ZNF208: variants seen among roughly 807,000 people sequenced by gnomAD.
The protein encoded by ZNF208 is zinc finger protein 208.
In ZNF208, 10 loss-of-function variants were observed where a neutral mutation model predicts 12.1. That is an observed-to-expected ratio of 0.83 (90% CI 0.51 to 1.40). ZNF208 has a LOEUF of 1.40. Among genes scored for constraint, ZNF208 ranks in the 40% most tolerant of loss-of-function variants. ZNF208 has a pLI of 0.00. For missense variants in ZNF208, 1,652 were observed against 1,485.0 expected, an observed-to-expected ratio of 1.11 and a Z score of -1.85; for synonymous variants, 497 against 488.4, an observed-to-expected ratio of 1.02 and a Z score of -0.23.
rs900211029 is a variant in ZNF208, at chr19:21,969,974, A to T, written c.*1217T>A. Reference sequence around the variant, plus strand: ...TAGTGTAAATGCTTTCCTTTGCAATAAGGCATGAGCACTGGTTAAATGTTT... The same window carrying T: ...TAGTGTAAATGCTTTCCTTTGCAATTAGGCATGAGCACTGGTTAAATGTTT... On this transcript the variant is annotated 3_prime_UTR_variant, in exon 4 of 4. Transcript: ENST00000397126. Among the ~76,000 whole-genome samples the T allele has an allele frequency of 6.6e-6, 1 of 152,158 alleles. No homozygotes were observed. The highest frequency in any genetic ancestry group is 1.5e-5 in the Non-Finnish European group (1 of 68,022).
In ZNF208 at chr19:21,970,872, G is replaced by T. The variant is rs1465753775; in HGVS notation, c.*319C>A. ...TTCACATTTGTAGGGTTTCTCTCCA[G>T]TATGAATTTTCTATGATAACTGAGG... On this transcript the variant is annotated 3_prime_UTR_variant, in exon 4 of 4. Transcript: ENST00000397126. 1.3e-6 allele frequency: 2 copies of T among 1,516,358 alleles called. No individual in the cohort carries two copies. The highest frequency in any genetic ancestry group is 2.7e-5 in the African/African-American group (2 of 72,798). The allele number at this position is 1,516,358 out of a possible 1,614,324, so 93.9% of individuals were successfully genotyped here.
At chr19:21,979,723 CACA>C (rs1012551160) in intron 3 of ZNF208, among the ~76,000 whole-genome samples, 24 of 152,270 alleles carry the variant, frequency 1.6e-4, no homozygotes, top group Admixed American at 1.6e-3. Context: ...CAAATTCACA[CACA>C]ACAATATTAA....
chr19:21,943,523 C>T (rs1054377837), intron 4 of ZNF208, among the ~76,000 whole-genome samples: 1 of 152,120 alleles, frequency 6.6e-6, no homozygotes, highest in African/African-American at 2.4e-5. Flanking sequence ...CTGCTTTGTA[C>T]TAAGAATAAT....
intron 3 of ZNF208, among the ~76,000 whole-genome samples, chr19:21,984,634 G>A (rs1288584856): frequency 6.6e-6 from 1 of 152,110 alleles, no homozygotes; most frequent in Non-Finnish European, 1.5e-5. Context: ...TGCAAAGGTT[G>A]TAATGTTAAT....
intron 1 of ZNF208, among the ~76,000 whole-genome samples, chr19:21,994,076 A>AT (rs1156762152): frequency 1.3e-5 from 2 of 152,170 alleles, no homozygotes; most frequent in Non-Finnish European, 2.9e-5. Context: ...ACTGTCATTG[A>AT]TTTTTTCAAA....
chr19:21,949,107 C>T (rs1437134096), intron 4 of ZNF208, among the ~76,000 whole-genome samples: 1 of 152,192 alleles, frequency 6.6e-6, no homozygotes, highest in Admixed American at 6.5e-5. Context: ...AAACAAACCT[C>T]CCTGTGTTCT....
rs1014586238 is a variant in ZNF208, at chr19:21,987,050, G to A, written c.226+166C>T. 6 of 628,512 alleles carry A rather than the reference G, an allele frequency of 9.5e-6. No individual in the cohort carries two copies. The African/African-American group carries it at 1.1e-4, about 12-fold the overall frequency. 38.9% of individuals were successfully genotyped at this position (628,512 alleles called of 1,614,324 possible). The stretch of plus-strand genomic sequence containing the variant: ...ATTCTTAGAAATTTTAAAAGTGTAA[G>A]ACCGAAGATGCCCCTGTGTGAGAGA... On this transcript the variant is annotated intron_variant, in intron 3 of 3. Coordinates refer to ENST00000397126, the MANE Select transcript of ZNF208 (RefSeq NM_007153.3).
intron 4 of ZNF208, among the ~76,000 whole-genome samples, chr19:21,954,771 G>C (rs1384917581): frequency 6.6e-6 from 1 of 152,102 alleles, no homozygotes; most frequent in African/African-American, 2.4e-5. Context: ...ACACTGATGG[G>C]TCTTGACTCT....
rs1970301939 is a variant in ZNF208, at chr19:21,972,141, T to C, written c.2893A>G (p.Lys965Glu). ...KSSSTLSYHK[K>E]IHTEEKPYKY... Reference sequence around the variant, plus strand: ...TAAGGTTTCTCTTCAGTATGAATTTTCTTATGATAACTAAGGGTTGAGGAT... The same window carrying C: ...TAAGGTTTCTCTTCAGTATGAATTTCCTTATGATAACTAAGGGTTGAGGAT... The change falls in exon 4 of 4, where the codon AAA (lysine) becomes GAA (glutamate). Residue 965 changes from lysine to glutamate, a missense_variant. Coordinates refer to ENST00000397126, the MANE Select transcript of ZNF208 (RefSeq NM_007153.3). The C allele has an allele frequency of 6.2e-7, 1 of 1,610,896 alleles. No individual in the cohort carries two copies. Among genetic ancestry groups the C allele is most frequent in the African/African-American group, 1.3e-5 (1 of 74,866 alleles).
intron 4 of ZNF208, among the ~76,000 whole-genome samples, chr19:21,942,644 TTCTTTC>T (rs888423776): frequency 6.6e-6 from 1 of 152,126 alleles, no homozygotes; most frequent in African/African-American, 2.4e-5. Context: ...TGACTTTTCT[TTCTTTC>T]TTTTCTTTCT....
intron 4 of ZNF208, among the ~76,000 whole-genome samples, chr19:21,960,853 G>A (rs185931534): frequency 1.3e-3 from 198 of 152,282 alleles, no homozygotes; most frequent in African/African-American, 4.4e-3. Flanking sequence ...AAAGCCAAGC[G>A]TTTGGAGAGT....
chr19:21,987,092 A>C, intron 3 of ZNF208, 124 bp downstream of exon 3: 1 of 978,744 alleles, frequency 1.0e-6, no homozygotes, highest in Admixed American at 3.3e-5. Flanking sequence ...AAGAATAAAA[A>C]TAAAAATTAG....
At chr19:22,001,839 G>A (rs1489938575) in intron 1 of ZNF208, among the ~76,000 whole-genome samples, 3 of 132,560 alleles carry the variant, frequency 2.3e-5, no homozygotes, top group South Asian at 2.4e-4. Context: ...GTTGCAGTGA[G>A]CCAAGATTGC....
At chr19:21,992,412 T>C (rs1970757069) in intron 1 of ZNF208, among the ~76,000 whole-genome samples, 1 of 152,252 alleles carries the variant, frequency 6.6e-6, no homozygotes. Flanking sequence ...CTGTAATTTT[T>C]AGTAGTGATT....
chr19:21,983,005 T>C (rs1970570967), intron 3 of ZNF208, among the ~76,000 whole-genome samples: 1 of 151,996 alleles, frequency 6.6e-6, no homozygotes, highest in Admixed American at 6.6e-5. Context: ...AAAGCCAAAA[T>C]TGACAAATGA....
At chr19:21,966,018 G>A (rs1334040670), downstream of ZNF208, 1 of 151,930 alleles carries the variant, frequency 6.6e-6, no homozygotes, top group Non-Finnish European at 1.5e-5. Flanking sequence ...TCACCACCAT[G>A]CCTTAAGGGG....
chr19:22,000,032 A>T (rs976926142), intron 1 of ZNF208, among the ~76,000 whole-genome samples: 5 of 152,176 alleles, frequency 3.3e-5, no homozygotes, highest in African/African-American at 9.7e-5. Flanking sequence ...AAGGTGTTAT[A>T]AAAAAACTCC....
At chr19:21,978,173 G>C (rs1261479284) in intron 3 of ZNF208, among the ~76,000 whole-genome samples, 1 of 152,180 alleles carries the variant, frequency 6.6e-6, no homozygotes, top group Non-Finnish European at 1.5e-5. Context: ...ATCCCTGCTG[G>C]ACAACTCTGA....
Position 22,003,580 on chromosome 19 carries a change from C to T in ZNF208, c.3+7212G>A, listed in dbSNP as rs767717127. On this transcript the variant is annotated intron_variant, in intron 1 of 3. Transcript: ENST00000397126. Reference sequence around the variant, plus strand: ...TGGCTAACAAGCATGTAAAAAAATGCTCATCACTAATCATTAGAGAAATGC... The same window carrying T: ...TGGCTAACAAGCATGTAAAAAAATGTTCATCACTAATCATTAGAGAAATGC... Among the ~76,000 whole-genome samples, 21 of 151,604 alleles carry T rather than the reference C, an allele frequency of 1.4e-4. 1 individual carries two copies. The highest frequency in any genetic ancestry group is 6.3e-3 in the Middle Eastern group (2 of 316).
Sources: allele counts gnomAD v4.1 joint callset (sites outside exome capture counted in the v4.1 genomes callset), GRCh38; gene constraint gnomAD v4.1.1; transcripts MANE v1.5; gene names NCBI Gene and HGNC (gene_info 2026-07-23, HGNC 2026-07-21).